ARHGEF4: variants seen among roughly 807,000 people sequenced by gnomAD.
ARHGEF4 encodes the protein APC-stimulated guanine nucleotide exchange factor 1.
A neutral mutation model predicts 162.0 loss-of-function variants in ARHGEF4; 119 were observed. The observed-to-expected ratio is 0.73, with a 90% confidence interval of 0.63 to 0.86. ARHGEF4 has a LOEUF of 0.86. ARHGEF4 is among the 40% of genes least tolerant of loss of function. The probability of loss-of-function intolerance (pLI) is 0.00; values close to 1 mark genes in which losing one functional copy is unlikely to be tolerated. For missense variants in ARHGEF4, 2,488 were observed against 2,456.0 expected, an observed-to-expected ratio of 1.01 and a Z score of -0.28; for synonymous variants, 1,014 against 979.9, an observed-to-expected ratio of 1.03 and a Z score of -0.65.
At chr2:131,039,099 AT>A (rs1385468583) in intron 6 of ARHGEF4, 67 bp downstream of exon 6, 104 of 1,499,106 alleles carry the variant, frequency 6.9e-5, no homozygotes, top group Non-Finnish European at 9.0e-5. Flanking sequence ...CTGCAGAGAA[AT>A]CCAAGCCCAA....
intron 1 of ARHGEF4, among the ~76,000 whole-genome samples, chr2:130,857,518 GAAA>G (rs1244405760): frequency 8.6e-5 from 1 of 11,616 alleles, no homozygotes; most frequent in Non-Finnish European, 1.5e-4. Context: ...CAAGCACTAA[GAAA>G]AGAACTTACA....
In ARHGEF4 at chr2:131,045,422, C is replaced by G. The variant is rs755446140; in HGVS notation, c.5455C>G (p.Gln1819Glu). The G allele has an allele frequency of 1.2e-6, 2 of 1,613,594 alleles. No individual in the cohort carries two copies. The highest frequency in any genetic ancestry group is 3.3e-5 in the Admixed American group (2 of 60,030). Residue 1819 changes from glutamine (Q) to glutamate (E), a missense_variant, in exon 13 of 14, where the codon CAG becomes GAG. Transcript: ENST00000409359. Reference sequence around the variant, plus strand: ...GCAGGCCATGCTGAATGCCAGCAAGCAGCAGGTCACAGGGAAGCCCAAAGG... The same window carrying G: ...GCAGGCCATGCTGAATGCCAGCAAGGAGCAGGTCACAGGGAAGCCCAAAGG... ...RKQAMLNASK[Q>E]QVTGKPKAVG...
At chr2:130,864,899 G>A (rs928451758) in intron 1 of ARHGEF4, among the ~76,000 whole-genome samples, 7 of 152,198 alleles carry the variant, frequency 4.6e-5, no homozygotes, top group Admixed American at 6.5e-5. Flanking sequence ...TTTAAACAGC[G>A]TGTGAGTGAT....
At chr2:131,039,184 C>A in intron 6 of ARHGEF4, 152 bp downstream of exon 6, 1 of 1,246,802 alleles carries the variant, frequency 8.0e-7, no homozygotes, top group Non-Finnish European at 1.1e-6. Flanking sequence ...CTTCCTCCTC[C>A]TGGAGAGCCA....
chr2:131,004,877 A>G (rs10196530), intron 4 of ARHGEF4, among the ~76,000 whole-genome samples: 39,264 of 152,076 alleles, frequency 0.26, 7,203 homozygotes, highest in African/African-American at 0.51. Context: ...GCCCCATGGC[A>G]GGTACAGGAG....
At chr2:130,946,827 G>C (rs1302614160) in intron 4 of ARHGEF4, 192 bp downstream of exon 4, 10 of 684,406 alleles carry the variant, frequency 1.5e-5, no homozygotes, top group Non-Finnish European at 2.2e-5. Flanking sequence ...TATTGGCTGG[G>C]CACAGTGGCT....
chr2:131,026,554 T>G (rs1348255090), intron 4 of ARHGEF4, among the ~76,000 whole-genome samples: 2 of 152,202 alleles, frequency 1.3e-5, no homozygotes, highest in Non-Finnish European at 2.9e-5. Flanking sequence ...GTCAATGATA[T>G]GTTAAAGATA....
At chr2:130,977,160 T>C (rs1685792505) in intron 4 of ARHGEF4, among the ~76,000 whole-genome samples, 1 of 151,634 alleles carries the variant, frequency 6.6e-6, no homozygotes, top group African/African-American at 2.4e-5. Context: ...TGTAGCGTGT[T>C]GTGCTTCTGT....
At chr2:130,918,941 C>T (rs1681700827) in intron 2 of ARHGEF4, among the ~76,000 whole-genome samples, 1 of 152,190 alleles carries the variant, frequency 6.6e-6, no homozygotes, top group Admixed American at 6.5e-5. Context: ...CGTCTAATCC[C>T]ACTCCATGCA....
intron 1 of ARHGEF4, among the ~76,000 whole-genome samples, chr2:130,865,789 T>A (rs934728231): frequency 1.3e-5 from 2 of 152,194 alleles, no homozygotes; most frequent in Non-Finnish European, 2.9e-5. Flanking sequence ...TCTTAAATCA[T>A]TCTGCATCCA....
chr2:131,034,151 C>G (rs1365754423), intron 5 of ARHGEF4, among the ~76,000 whole-genome samples: 1 of 152,194 alleles, frequency 6.6e-6, no homozygotes, highest in Non-Finnish European at 1.5e-5. Context: ...AGTCTGCACA[C>G]ATTCCCTCTG....
intron 1 of ARHGEF4, among the ~76,000 whole-genome samples, chr2:130,908,906 C>T (rs141478247): frequency 6.6e-6 from 1 of 152,204 alleles, no homozygotes; most frequent in African/African-American, 2.4e-5. Context: ...AAAAGATGTA[C>T]AGATGGAAAA....
chr2:130,848,069 T>C (rs1681122415), intron 1 of ARHGEF4, among the ~76,000 whole-genome samples: 1 of 151,872 alleles, frequency 6.6e-6, no homozygotes, highest in African/African-American at 2.4e-5. Flanking sequence ...TCTGAGGACA[T>C]GGGGCCTCTG....
intron 1 of ARHGEF4, chr2:130,837,437 G>A (rs1467194025): frequency 1.5e-5 from 5 of 333,622 alleles, no homozygotes; most frequent in Non-Finnish European, 2.3e-5. Context: ...GGGTACGGGA[G>A]AAGTGGTTGC....
chr2:130,837,541 C>T (rs1449317890), intron 1 of ARHGEF4: 1 of 427,262 alleles, frequency 2.3e-6, no homozygotes, highest in Non-Finnish European at 4.7e-6. Flanking sequence ...GCTCGGGGTG[C>T]CCCCTCTCTG....
At chr2:130,995,188 C>T (rs1687296278) in intron 4 of ARHGEF4, among the ~76,000 whole-genome samples, 1 of 152,234 alleles carries the variant, frequency 6.6e-6, no homozygotes, top group South Asian at 2.1e-4. Flanking sequence ...AATGAATGTG[C>T]AGCATCTCTC....
In ARHGEF4 at chr2:131,041,857, C is replaced by T. The variant is rs201353514; in HGVS notation, c.4938C>T (p.Asn1646=). 14 of 1,613,642 alleles carry T rather than the reference C, an allele frequency of 8.7e-6. No individual in the cohort carries two copies. Among genetic ancestry groups the T allele is most frequent in the Middle Eastern group, 1.7e-4 (1 of 6,056 alleles). ...DVEAALHAMK[N]VAQLINERKR... ...AAGCCGCCTTGCATGCCATGAAGAA[C>T]GTGGCCCAGCTCATCAACGAGCGGA... The change falls in exon 10 of 14, where the codon AAC becomes AAT. Residue 1646 remains asparagine (N), a synonymous_variant. Coordinates refer to ENST00000409359, the MANE Select transcript of ARHGEF4 (RefSeq NM_001367493.1).
chr2:130,892,977 T>C (rs1054531942), intron 1 of ARHGEF4, among the ~76,000 whole-genome samples: 2 of 152,218 alleles, frequency 1.3e-5, no homozygotes, highest in African/African-American at 4.8e-5. Flanking sequence ...TTTACTTTCC[T>C]GTTTACGGGA....
At chr2:130,992,699 C>G (rs896452779) in intron 4 of ARHGEF4, among the ~76,000 whole-genome samples, 6 of 152,322 alleles carry the variant, frequency 3.9e-5, no homozygotes, top group Middle Eastern at 3.4e-3. Flanking sequence ...ATTCTGGACA[C>G]AGTATCAGTG....
Sources: gnomAD v4.1 joint callset for allele counts (sites outside exome capture counted in the v4.1 genomes callset) on GRCh38, gnomAD v4.1.1 for gene constraint, MANE v1.5 for transcripts, NCBI Gene and HGNC (gene_info 2026-07-23, HGNC 2026-07-21) for gene names.